The following SDE2 variants were observed in gnomAD, a reference collection of about 807,000 sequenced individuals.
SDE2 encodes the protein splicing regulator SDE2.
SDE2 carries 31 observed loss-of-function variants against 46.9 expected under a neutral mutation model. The ratio of observed to expected loss-of-function variants is 0.66; its 90% CI spans 0.50 to 0.89. SDE2 has a LOEUF of 0.89. Ranked by LOEUF, SDE2 falls within the 40% of genes least tolerant of loss-of-function variation. SDE2 has a pLI of 0.00. For synonymous variants in SDE2, 205 were observed against 204.3 expected, an observed-to-expected ratio of 1.00 and a Z score of -0.03; for missense variants, 542 against 564.4, an observed-to-expected ratio of 0.96 and a Z score of 0.40.
At chr1:225,991,108 A>G (rs1656388579) in intron 5 of SDE2, 135 bp downstream of exon 5, 1 of 706,586 alleles carries the variant, frequency 1.4e-6, no homozygotes, top group Admixed American at 2.7e-5. Context: ...TGAAACCTAA[A>G]GCTTGAAGCA....
intron 2 of SDE2, among the ~76,000 whole-genome samples, chr1:225,993,878 T>G: frequency 6.6e-6 from 1 of 151,518 alleles, no homozygotes; most frequent in Non-Finnish European, 1.5e-5. Flanking sequence ...CAATGGATCC[T>G]CTTACCACAG....
At chr1:225,988,474 T>G in intron 5 of SDE2, 86 bp from the exon 6 acceptor site, 5 of 1,388,456 alleles carry the variant, frequency 3.6e-6, no homozygotes, top group Non-Finnish European at 5.0e-6. Context: ...CTCAGGCCTG[T>G]AATCCCAGGA....
intron 1 of SDE2, among the ~76,000 whole-genome samples, chr1:225,997,329 T>C (rs1656550513): frequency 6.6e-6 from 1 of 152,242 alleles, no homozygotes; most frequent in Non-Finnish European, 1.5e-5. Context: ...TGAGCTATTC[T>C]TACTTGTTCC....
intron 1 of SDE2, 104 bp from the exon 2 acceptor site, chr1:225,995,487 G>C (rs1393492500): frequency 2.0e-5 from 11 of 562,386 alleles, no homozygotes; most frequent in Non-Finnish European, 3.2e-5. Context: ...TACAACAGAG[G>C]GTGTTCAATT....
chr1:225,983,228 C>T lies in SDE2; in HGVS notation c.*2074G>A, dbSNP rs1656192259. ...AGAGGTATACTGTGCAAACACTAAG[C>T]TTAAGAAGGCTGCAGTGGCTATATT... On this transcript the variant is annotated 3_prime_UTR_variant, in exon 7 of 7. Transcript: ENST00000272091. 1 of 152,098 alleles carries T rather than the reference C, an allele frequency of 6.6e-6. No homozygotes were observed. Among genetic ancestry groups the T allele is most frequent in the East Asian group, 1.9e-4 (1 of 5,198 alleles). The allele number at this position is 152,098 out of a possible 1,614,324, so 9.4% of individuals were successfully genotyped here.
At chr1:225,996,900 T>C (rs1184245303) in intron 1 of SDE2, among the ~76,000 whole-genome samples, 1 of 152,226 alleles carries the variant, frequency 6.6e-6, no homozygotes, top group East Asian at 1.9e-4. Context: ...ATGTGGAAAG[T>C]TGTGTCCAGA....
intron 2 of SDE2, among the ~76,000 whole-genome samples, chr1:225,994,511 C>T (rs1656476903): frequency 6.6e-6 from 1 of 152,174 alleles, no homozygotes; most frequent in Admixed American, 6.5e-5. Flanking sequence ...GGAGAAATAC[C>T]AACAACTGTT....
chr1:225,994,221 C>A (rs1028023262), intron 2 of SDE2, among the ~76,000 whole-genome samples: 5 of 152,140 alleles, frequency 3.3e-5, no homozygotes. Context: ...AGATTACAGG[C>A]TCCTAACACC....
intron 2 of SDE2, among the ~76,000 whole-genome samples, 171 bp from the exon 3 acceptor site, chr1:225,993,173 T>A (rs927144436): frequency 6.6e-6 from 1 of 151,030 alleles, no homozygotes; most frequent in East Asian, 1.9e-4. Context: ...GCAGCGAAAG[T>A]AAAAAGACTG....
At chr1:225,995,165 T>C (rs902278982) in intron 2 of SDE2, 101 bp downstream of exon 2, 15 of 652,742 alleles carry the variant, frequency 2.3e-5, no homozygotes, top group Non-Finnish European at 2.5e-5. Context: ...GTTAATTTAA[T>C]ACCATGGCTA....
At chr1:225,991,723 G>A (rs1327545907) in intron 4 of SDE2, among the ~76,000 whole-genome samples, 1 of 152,146 alleles carries the variant, frequency 6.6e-6, no homozygotes, top group African/African-American at 2.4e-5. Flanking sequence ...TTATTCGATT[G>A]TTCCCATACT....
rs757176809 is a variant in SDE2 at position 225,996,460 on chromosome 1, AAAC to A, written c.121-1080_121-1078del. 1.9e-4 allele frequency among the ~76,000 whole-genome samples: 29 copies of A among 152,318 alleles called. 1 individual carries two copies. Among genetic ancestry groups the A allele is most frequent in the South Asian group, 1.4e-3 (7 of 4,828 alleles). ...TCCAAACAGAATGGCTTATTAAACA[AAAC>A]AACTGATCAACAAAATTGCATTTTC... On this transcript the variant is annotated intron_variant, in intron 1 of 6. Transcript: ENST00000272091.
chr1:225,992,226 A>C (rs1369296943), intron 4 of SDE2, among the ~76,000 whole-genome samples, 172 bp downstream of exon 4: 1 of 152,198 alleles, frequency 6.6e-6, no homozygotes, highest in Non-Finnish European at 1.5e-5. Context: ...TCTTTTTTAA[A>C]AAAATACTGT....
chr1:225,988,308 G>A lies in SDE2; in HGVS notation c.722C>T (p.Thr241Ile), dbSNP rs769525636. The A allele has an allele frequency of 5.0e-6, 8 of 1,614,112 alleles. No homozygotes were observed. The highest frequency in any genetic ancestry group is 1.6e-4 in the Middle Eastern group (1 of 6,084). ...SDDDSEEAPS[T>I]SGMGFHAPKI... ...TGGAGCATGGAAACCCATTCCTGAA[G>A]TGCTTGGTGCTTCTTCACTGTCATC... The change falls in exon 6 of 7, where the codon ACT becomes ATT. Residue 241 changes from threonine to isoleucine, a missense_variant. Thr to Ile is a moderately conservative substitution (Grantham distance 89). This residue lies in a region of SDE2 where 401 missense variants were observed against 437.8 expected (regional missense o/e 0.92). Coordinates refer to ENST00000272091, the MANE Select transcript of SDE2 (RefSeq NM_152608.4).
At chr1:225,993,038 G>C (rs967241341) in intron 2 of SDE2, 36 bp from the exon 3 acceptor site, 1 of 1,147,536 alleles carries the variant, frequency 8.7e-7, no homozygotes, top group Non-Finnish European at 1.3e-6. Flanking sequence ...AGGTTAAAAT[G>C]TGTTCAAGGA....
At position 225,989,301 on chromosome 1, in the gene SDE2, A is replaced by AT. The variant is rs1232330201; in HGVS notation, c.642-914_642-913insA. On this transcript the variant is annotated intron_variant, in intron 5 of 6. Transcript: ENST00000272091. The stretch of plus-strand genomic sequence containing the variant: ...ACAGAGCAAGACTGTCTCAAAAAAA[A>AT]AAAAAAAATAATAATAATAATAATA... Among the ~76,000 whole-genome samples the AT allele has an allele frequency of 2.3e-4, 33 of 144,308 alleles. 1 individual carries two copies. Among genetic ancestry groups the AT allele is most frequent in the African/African-American group, 8.7e-4 (33 of 38,122 alleles). The allele number at this position is 144,308 out of a possible 152,430, so 94.7% of individuals were successfully genotyped here.
chr1:225,999,305 T>C lies in SDE2; in HGVS notation c.8A>G (p.Glu3Gly). The change falls in exon 1 of 7, where the codon GAG (glutamate) becomes GGG (glycine). Residue 3 changes from glutamate (E) to glycine (G), a missense_variant. Physicochemically the swap from Glu to Gly is moderately conservative, Grantham distance 98. Around this residue, in one of 3 missense-constraint regions of SDE2, gnomAD observed 135 missense variants for 106.5 expected, o/e 1.27. Coordinates refer to ENST00000272091, the MANE Select transcript of SDE2 (RefSeq NM_152608.4). ...GCGAATCCACACCAGCGCCGCGGCC[T>C]CCGCCATGTCACCGACTACCCGAAC... Reference protein sequence around the residue: MAEAAALVWIRGP... With the variant: MAGAAALVWIRGP... The C allele has an allele frequency of 6.2e-7, 1 of 1,611,064 alleles. No homozygotes were observed. Among genetic ancestry groups the C allele is most frequent in the Non-Finnish European group, 8.5e-7 (1 of 1,178,842 alleles).
chr1:225,991,248 G>A lies in SDE2; in HGVS notation c.636C>T (p.Cys212=). ...DRGASAGKRR[C]FWLGMEGLET... ...AACGAAAGTGAAACACTTACCAGAA[G>A]CATCTCCTCTTTCCCGCACTGGCTC... Residue 212 remains cysteine (C), a synonymous_variant, in exon 5 of 7, where the codon TGC becomes TGT. Transcript: ENST00000272091. 5 of 1,613,018 alleles carry A rather than the reference G, an allele frequency of 3.1e-6. No individual in the cohort carries two copies. Among genetic ancestry groups the A allele is most frequent in the Non-Finnish European group, 4.2e-6 (5 of 1,179,190 alleles).
In SDE2 at chr1:225,991,346, T is replaced by G; in HGVS notation, c.538A>C (p.Ser180Arg). ...SVLKGMQAASSKMVSAEISEN... is the reference protein window; with the variant it reads ...SVLKGMQAASRKMVSAEISEN... ...CTGATTTCTGCTGAAACCATCTTGC[T>G]GGAGGCAGCCTGCATACCTAACCAG... The change falls in exon 5 of 7, where the codon AGC (serine) becomes CGC (arginine). Residue 180 changes from serine (S) to arginine (R), a missense_variant. Ser to Arg is a moderately radical substitution (Grantham distance 110, BLOSUM62 -1). Transcript: ENST00000272091. 6.2e-7 allele frequency: 1 copy of G among 1,613,970 alleles called. No individual in the cohort carries two copies. The highest frequency in any genetic ancestry group is 8.5e-7 in the Non-Finnish European group (1 of 1,179,836).
Sources: allele counts gnomAD v4.1 joint callset (sites outside exome capture counted in the v4.1 genomes callset), GRCh38; gene constraint gnomAD v4.1.1; regional missense constraint gnomAD v4.1.1; transcripts MANE v1.5; gene names NCBI Gene and HGNC (gene_info 2026-07-23, HGNC 2026-07-21).